Variants in RPH3A observed in about 807,000 individuals in gnomAD.
The protein encoded by RPH3A is rabphilin 3A.
A neutral mutation model predicts 102.2 loss-of-function variants in RPH3A; 48 were observed. The ratio of observed to expected loss-of-function variants is 0.47; its 90% CI spans 0.37 to 0.60. The LOEUF (loss-of-function observed/expected upper bound fraction) is 0.60, where lower values mean the gene tolerates loss of function less well. RPH3A is among the 20% of genes least tolerant of loss of function. RPH3A has a pLI of 0.00. For missense variants in RPH3A, 781 were observed against 910.1 expected (o/e 0.86, Z 1.83); for synonymous variants, 310 against 324.3 (o/e 0.96, Z 0.47).
At chr12:112,755,210 C>A (rs1185530524) in intron 1 of RPH3A, among the ~76,000 whole-genome samples, 1 of 152,036 alleles carries the variant, frequency 6.6e-6, no homozygotes, top group Non-Finnish European at 1.5e-5. Context: ...CACTTCTCCC[C>A]AGTCACCTAG....
intron 2 of RPH3A, among the ~76,000 whole-genome samples, chr12:112,800,504 C>T (rs1252793674): frequency 3.3e-5 from 5 of 151,958 alleles, no homozygotes; most frequent in African/African-American, 1.2e-4. Context: ...TTGCAGGGAG[C>T]GTTTTATGCT....
chr12:112,620,347 A>G (rs1592910841), intron 1 of RPH3A, among the ~76,000 whole-genome samples: 1 of 152,102 alleles, frequency 6.6e-6, no homozygotes, highest in Non-Finnish European at 1.5e-5. Context: ...TTGCTGGAGG[A>G]AGAGGTGTGG....
rs141233339 is a variant in RPH3A, at chr12:112,657,482, G to A, written c.-140+82163G>A. 2.8e-3 allele frequency among the ~76,000 whole-genome samples: 421 copies of A among 152,166 alleles called. 3 individuals carry two copies. Among genetic ancestry groups the A allele is most frequent in the African/African-American group, 9.3e-3 (387 of 41,498 alleles). Reference sequence around the variant, plus strand: ...TTATGTACTGTACAGAATTGCATGTGCTATACTTTCATACAACTGATGGCA... The same window carrying A: ...TTATGTACTGTACAGAATTGCATGTACTATACTTTCATACAACTGATGGCA... On this transcript the variant is annotated intron_variant, in intron 1 of 21. Coordinates refer to the RPH3A transcript ENST00000543106.
intron 1 of RPH3A, among the ~76,000 whole-genome samples, chr12:112,705,269 C>T (rs1176229970): frequency 6.6e-6 from 1 of 152,192 alleles, no homozygotes; most frequent in Non-Finnish European, 1.5e-5. Context: ...CCTAGTCATA[C>T]TTGGCTGCAA....
intron 1 of RPH3A, among the ~76,000 whole-genome samples, chr12:112,738,145 G>A (rs180765099): frequency 7.2e-5 from 11 of 152,012 alleles, no homozygotes; most frequent in African/African-American, 2.7e-4. Flanking sequence ...CTTCTTCCTT[G>A]TGTATATCTC....
chr12:112,725,560 G>A (rs906915412), intron 1 of RPH3A, among the ~76,000 whole-genome samples: 2 of 152,052 alleles, frequency 1.3e-5, no homozygotes, highest in African/African-American at 2.4e-5. Context: ...TCGATTAGCC[G>A]CTTGGGGGTG....
chr12:112,890,290 C>A (rs1408265497), intron 18 of RPH3A, among the ~76,000 whole-genome samples: 3 of 152,230 alleles, frequency 2.0e-5, no homozygotes. Context: ...TTCTCTCATA[C>A]CCAGGATGCC....
At chr12:112,895,707 C>A in intron 20 of RPH3A, 70 bp from the exon 21 acceptor site, 2 of 1,081,554 alleles carry the variant, frequency 1.8e-6, no homozygotes, top group Non-Finnish European at 2.8e-6. Context: ...CCCTAGGACT[C>A]GGCCTCTTAC....
chr12:112,783,302 A>G (rs1436600368), intron 1 of RPH3A, among the ~76,000 whole-genome samples: 6 of 152,128 alleles, frequency 3.9e-5, no homozygotes, highest in Admixed American at 6.6e-5. Flanking sequence ...GACTGGTTAC[A>G]TGGCATTGCC....
At chr12:112,712,924 CCTCTTCT>C (rs2040477058) in intron 1 of RPH3A, among the ~76,000 whole-genome samples, 1 of 96,236 alleles carries the variant, frequency 1.0e-5, no homozygotes, top group Non-Finnish European at 2.0e-5. Context: ...TCTTCTTCTT[CCTCTTCT>C]TCTTCTTCTT....
At chr12:112,643,167 T>A (rs1221013229) in intron 1 of RPH3A, among the ~76,000 whole-genome samples, 1 of 152,180 alleles carries the variant, frequency 6.6e-6, no homozygotes, top group Non-Finnish European at 1.5e-5. Context: ...GGCTCCCGAA[T>A]CTGTGCATTT....
At chr12:112,725,906 C>T (rs2040586003) in intron 1 of RPH3A, among the ~76,000 whole-genome samples, 2 of 151,894 alleles carry the variant, frequency 1.3e-5, no homozygotes. Context: ...CGCCATTCTC[C>T]TGCCTCAGCC....
intron 1 of RPH3A, among the ~76,000 whole-genome samples, chr12:112,712,496 G>T (rs12315231): frequency 0.015 from 2,242 of 152,046 alleles, 58 homozygotes; most frequent in African/African-American, 0.051. Context: ...CATACAAAAA[G>T]GTGTAAAGAA....
At chr12:112,873,600 G>A (rs748880816) in intron 10 of RPH3A, among the ~76,000 whole-genome samples, 58 of 152,302 alleles carry the variant, frequency 3.8e-4, no homozygotes, top group Middle Eastern at 6.8e-3. Context: ...ATGGGCTTCA[G>A]GTGTGATTTA....
intron 4 of RPH3A, among the ~76,000 whole-genome samples, chr12:112,843,456 G>T (rs1471667442): frequency 1.3e-5 from 2 of 152,192 alleles, no homozygotes; most frequent in Non-Finnish European, 2.9e-5. Context: ...CTGCTCATCT[G>T]CAGTCTGCAG....
intron 1 of RPH3A, among the ~76,000 whole-genome samples, chr12:112,639,031 C>T (rs1185547187): frequency 6.6e-6 from 1 of 152,162 alleles, no homozygotes; most frequent in Admixed American, 6.5e-5. Flanking sequence ...TGTTCAACCC[C>T]TCCCCTCCTT....
At chr12:112,680,967 T>C (rs232937) in intron 1 of RPH3A, among the ~76,000 whole-genome samples, 131,476 of 151,782 alleles carry the variant, frequency 0.87, 57,161 homozygotes, top group African/African-American at 0.94. Flanking sequence ...TCCTTGCTTC[T>C]TCTTCTCGCA....
At chr12:112,613,720 G>A (rs867931219) in intron 1 of RPH3A, among the ~76,000 whole-genome samples, 2 of 152,058 alleles carry the variant, frequency 1.3e-5, no homozygotes, top group South Asian at 4.1e-4. Flanking sequence ...GTCTGATGGG[G>A]GAGGATCTTT....
At chr12:112,832,748 C>T (rs1194360892) in intron 3 of RPH3A, among the ~76,000 whole-genome samples, 4 of 152,166 alleles carry the variant, frequency 2.6e-5, no homozygotes, top group African/African-American at 9.7e-5. Flanking sequence ...GACGCTGAAG[C>T]AGGAGAATTG....
Sources: gnomAD v4.1 joint callset for allele counts (sites outside exome capture counted in the v4.1 genomes callset) on GRCh38, gnomAD v4.1.1 for gene constraint, MANE v1.5 for transcripts, NCBI Gene and HGNC (gene_info 2026-07-23, HGNC 2026-07-21) for gene names.